The following CNTN5 variants were observed in gnomAD, a reference collection of about 807,000 sequenced individuals.
CNTN5 encodes contactin 5.
In CNTN5, 77 loss-of-function variants were observed where a neutral mutation model predicts 129.1. That is an observed-to-expected ratio of 0.60 (90% CI 0.50 to 0.72). CNTN5 has a LOEUF of 0.72. CNTN5 is among the 30% of genes least tolerant of loss of function. The pLI is 0.00. For missense variants in CNTN5, 1,478 were observed against 1,328.8 expected (o/e 1.11, Z -1.75); for synonymous variants, 509 against 465.6 (o/e 1.09, Z -1.20).
chr11:99,659,212 A>G (rs187948895), intron 3 of CNTN5, among the ~76,000 whole-genome samples: 1 of 152,166 alleles, frequency 6.6e-6, no homozygotes, highest in South Asian at 2.1e-4. Flanking sequence ...GAAGCAGAGA[A>G]AGTCAGACTT....
chr11:100,230,485 G>T lies in CNTN5; in HGVS notation c.2005+5673G>T, dbSNP rs140015088. ...ACTGACAAAAAAGTAACATTTTTTT[G>T]TCAGTCAGATGTTCAGATTTTCTGC... is the stretch of plus-strand genomic sequence containing the variant. On this transcript the variant is annotated intron_variant, in intron 16 of 24. Transcript: ENST00000524871. Among the ~76,000 whole-genome samples the T allele has an allele frequency of 4.6e-4, 70 of 152,058 alleles. No individual in the cohort carries two copies. In the East Asian group the frequency reaches 0.013, roughly 28 times the overall value.
chr11:99,207,207 T>C (rs536291645), intron 1 of CNTN5, among the ~76,000 whole-genome samples: 1 of 152,246 alleles, frequency 6.6e-6, no homozygotes, highest in East Asian at 1.9e-4. Context: ...AATTTAATAA[T>C]GTTAACACCA....
intron 1 of CNTN5, among the ~76,000 whole-genome samples, chr11:99,267,920 GCA>G (rs141288502): frequency 0.22 from 30,452 of 140,078 alleles, 3,125 homozygotes; most frequent in African/African-American, 0.24. Flanking sequence ...ACACACACAC[GCA>G]CACACACACA....
intron 1 of CNTN5, among the ~76,000 whole-genome samples, chr11:99,181,217 C>A (rs1319237235): frequency 6.6e-6 from 1 of 152,142 alleles, no homozygotes; most frequent in African/African-American, 2.4e-5. Flanking sequence ...CCCTGAAGTG[C>A]ATCTCCCCGT....
At chr11:99,510,342 T>C (rs1362359860) in intron 2 of CNTN5, among the ~76,000 whole-genome samples, 1 of 152,124 alleles carries the variant, frequency 6.6e-6, no homozygotes, top group Non-Finnish European at 1.5e-5. Flanking sequence ...TTGGTGAGAG[T>C]ATAAACTGGC....
chr11:99,480,627 A>T (rs1330157222), intron 2 of CNTN5, among the ~76,000 whole-genome samples: 1 of 152,192 alleles, frequency 6.6e-6, no homozygotes, highest in African/African-American at 2.4e-5. Flanking sequence ...TCTTTGCTTT[A>T]CAACCTGTTT....
At chr11:99,740,544 T>A (rs956998752) in intron 3 of CNTN5, among the ~76,000 whole-genome samples, 3 of 152,176 alleles carry the variant, frequency 2.0e-5, no homozygotes, top group African/African-American at 7.2e-5. Context: ...TAGGTCTGCA[T>A]CTGGCTCCTA....
At chr11:99,123,654 GTTTTT>G (rs35040329) in intron 1 of CNTN5, among the ~76,000 whole-genome samples, 1 of 141,192 alleles carries the variant, frequency 7.1e-6, no homozygotes, top group Non-Finnish European at 1.5e-5. Flanking sequence ...ATCTTCCAGG[GTTTTT>G]TTTTTTTTTT....
chr11:99,798,469 C>A (rs1946016635), intron 3 of CNTN5, among the ~76,000 whole-genome samples: 1 of 152,150 alleles, frequency 6.6e-6, no homozygotes, highest in South Asian at 2.1e-4. Flanking sequence ...GGGTCCAGGT[C>A]ATTCTTCTGC....
chr11:99,611,283 A>G (rs1950585960), intron 3 of CNTN5, among the ~76,000 whole-genome samples: 1 of 152,198 alleles, frequency 6.6e-6, no homozygotes, highest in Non-Finnish European at 1.5e-5. Context: ...GCATTTCAAT[A>G]GTGTAGTCAG....
intron 2 of CNTN5, among the ~76,000 whole-genome samples, chr11:99,533,020 C>T (rs1040890655): frequency 3.9e-5 from 6 of 152,108 alleles, no homozygotes; most frequent in African/African-American, 1.4e-4. Context: ...GCCAGGAGTT[C>T]GAGACCAGCC....
chr11:99,998,938 A>C (rs897845342), intron 8 of CNTN5, among the ~76,000 whole-genome samples: 1 of 151,574 alleles, frequency 6.6e-6, no homozygotes, highest in Non-Finnish European at 1.5e-5. Flanking sequence ...GGTGCTGGGA[A>C]AACTGGCTAG....
intron 1 of CNTN5, among the ~76,000 whole-genome samples, chr11:99,271,049 A>G (rs1863146886): frequency 6.6e-6 from 1 of 151,830 alleles, no homozygotes; most frequent in South Asian, 2.1e-4. Context: ...CATGATAAAT[A>G]TTTGCTAGAT....
chr11:99,184,707 G>A (rs190790697), intron 1 of CNTN5, among the ~76,000 whole-genome samples: 28 of 152,166 alleles, frequency 1.8e-4, no homozygotes, highest in African/African-American at 6.3e-4. Context: ...AGCTTGAAGT[G>A]TATTACTTTG....
chr11:100,227,403 C>T (rs10160800), intron 16 of CNTN5, among the ~76,000 whole-genome samples: 8,197 of 152,128 alleles, frequency 0.054, 655 homozygotes, highest in African/African-American at 0.17. Flanking sequence ...CTGAGTGTTT[C>T]TGAGTAGTAA....
chr11:99,100,088 A>T (rs927541420), intron 1 of CNTN5, among the ~76,000 whole-genome samples: 1 of 152,166 alleles, frequency 6.6e-6, no homozygotes, highest in African/African-American at 2.4e-5. Flanking sequence ...TGGGAAAAAA[A>T]TTTTATAAAG....
chr11:100,297,954 T>A (rs1951131513), intron 19 of CNTN5, among the ~76,000 whole-genome samples: 3 of 151,472 alleles, frequency 2.0e-5, no homozygotes, highest in Non-Finnish European at 4.4e-5. Flanking sequence ...ATTTTCCTAA[T>A]AAACAGAATT....
chr11:99,833,536 G>A (rs757779130), intron 4 of CNTN5, among the ~76,000 whole-genome samples: 3 of 152,134 alleles, frequency 2.0e-5, no homozygotes, highest in Non-Finnish European at 2.9e-5. Context: ...TAATGTGAGT[G>A]TTCTGAACAA....
chr11:99,384,689 A>G (rs1172249274), intron 2 of CNTN5, among the ~76,000 whole-genome samples: 1 of 152,238 alleles, frequency 6.6e-6, no homozygotes, highest in Admixed American at 6.5e-5. Flanking sequence ...ATTATCTTAA[A>G]GAAACCTGAT....
Sources: gnomAD v4.1 joint callset for allele counts (sites outside exome capture counted in the v4.1 genomes callset) on GRCh38, gnomAD v4.1.1 for gene constraint, MANE v1.5 for transcripts, NCBI Gene and HGNC (gene_info 2026-07-23, HGNC 2026-07-21) for gene names.